The following DOP1A variants were observed in gnomAD, a reference collection of about 807,000 sequenced individuals.
DOP1A encodes DOP1 leucine zipper like protein A, also known as protein DOP1A.
In DOP1A, 90 loss-of-function variants were observed where a neutral mutation model predicts 267.6. The observed-to-expected ratio is 0.34, with a 90% CI of 0.28 to 0.40. DOP1A has a LOEUF of 0.40. DOP1A is among the 10% of genes least tolerant of loss of function. The pLI, the probability that DOP1A is intolerant of heterozygous loss-of-function variation, is 1.00. For synonymous variants in DOP1A, 932 were observed against 999.1 expected, an observed-to-expected ratio of 0.93 and a Z score of 1.27; for missense variants, 2,437 against 2,900.4, an observed-to-expected ratio of 0.84 and a Z score of 3.67.
chr6:83,151,778 A>G (rs1781731262), intron 28 of DOP1A, 105 bp from the exon 29 acceptor site: 2 of 1,437,658 alleles, frequency 1.4e-6, no homozygotes, highest in Middle Eastern at 1.8e-4. Context: ...ATGGGAATCA[A>G]CAAGTCTATT....
chr6:83,130,361 T>G lies in DOP1A; in HGVS notation c.2580T>G (p.Asn860Lys). Reference sequence around the variant, plus strand: ...TTAGACCTCCCCTCACTCAGGGCAATCTGAGGTACATAGCTGAGAAGACTG... The same window carrying G: ...TTAGACCTCCCCTCACTCAGGGCAAGCTGAGGTACATAGCTGAGAAGACTG... ...VVIRPPLTQG[N>K]LRYIAEKTEF... The change falls in exon 17 of 39, where the codon AAT becomes AAG. Residue 860 changes from asparagine (N) to lysine (K), a missense_variant. By Grantham distance (94) the Asn-to-Lys change is moderately conservative. Coordinates refer to ENST00000349129, the MANE Select transcript of DOP1A (RefSeq NM_015018.4). The G allele has an allele frequency of 1.2e-6, 2 of 1,614,006 alleles. No homozygotes were observed. The highest frequency in any genetic ancestry group is 1.7e-6 in the Non-Finnish European group (2 of 1,179,930).
chr6:83,077,928 A>G (rs1050577400), intron 1 of DOP1A, among the ~76,000 whole-genome samples: 2 of 152,234 alleles, frequency 1.3e-5, no homozygotes, highest in Non-Finnish European at 2.9e-5. Context: ...TTCTTGGGCC[A>G]CATTCAAAAC....
intron 4 of DOP1A, among the ~76,000 whole-genome samples, chr6:83,104,945 C>T (rs1259835027): frequency 6.6e-6 from 1 of 152,000 alleles, no homozygotes. Context: ...TTTACTCTCT[C>T]ATTTTTGCTC....
Position 83,122,862 on chromosome 6 carries a change from G to T in DOP1A, c.1221-1G>T. On this transcript the variant is annotated splice_acceptor_variant, in intron 11 of 38. Transcript: ENST00000349129. LOFTEE classifies it high-confidence loss of function. ...TTTTGTTTTCTTTTCTCTTTTTTCA[G>T]TAAATTAAGAGAAAATAAGAAAACA... 6.9e-7 allele frequency: 1 copy of T among 1,457,968 alleles called. No individual in the cohort carries two copies. Among genetic ancestry groups the T allele is most frequent in the Non-Finnish European group, 9.1e-7 (1 of 1,102,080 alleles). The allele number at this position is 1,457,968 out of a possible 1,614,324, so 90.3% of individuals were successfully genotyped here. A position where few individuals can be genotyped will look rare whatever the true frequency, so the allele number is the denominator to read the frequency against.
intron 8 of DOP1A, 141 bp downstream of exon 8, chr6:83,119,128 G>C: frequency 1.5e-6 from 1 of 662,388 alleles, no homozygotes; most frequent in Non-Finnish European, 2.6e-6. Flanking sequence ...AATATAAACA[G>C]TATTAGTTGT....
chr6:83,124,845 T>C (rs763971710), intron 13 of DOP1A, 26 bp downstream of exon 13: 2 of 1,537,272 alleles, frequency 1.3e-6, no homozygotes, highest in Non-Finnish European at 1.8e-6. Context: ...TAAGAAAATA[T>C]CAAGGAAATC....
At chr6:83,169,102 C>A (rs1376168397), downstream of DOP1A, 3 of 1,454,158 alleles carry the variant, frequency 2.1e-6, no homozygotes, top group Non-Finnish European at 9.0e-7. Context: ...TTAAGAAAAA[C>A]AGATCTAGAG....
chr6:83,106,969 A>G (rs1198642705), intron 4 of DOP1A, among the ~76,000 whole-genome samples: 1 of 152,182 alleles, frequency 6.6e-6, no homozygotes, highest in Non-Finnish European at 1.5e-5. Flanking sequence ...GGATCTGGCA[A>G]TTGGTGGACA....
chr6:83,095,809 A>G (rs1771375324), intron 1 of DOP1A, among the ~76,000 whole-genome samples: 1 of 152,088 alleles, frequency 6.6e-6, no homozygotes, highest in Non-Finnish European at 1.5e-5. Context: ...AGGATGGAGG[A>G]TCTGCTTCTA....
chr6:83,162,363 A>G (rs1374896729), intron 37 of DOP1A, among the ~76,000 whole-genome samples: 1 of 152,190 alleles, frequency 6.6e-6, no homozygotes, highest in Non-Finnish European at 1.5e-5. Flanking sequence ...CTATGCAACT[A>G]GGGAACATTT....
rs1206276741 is a variant in DOP1A at position 83,068,002 on chromosome 6, T to TGGGGCC, written c.-147+230_-147+235dup. Among the ~76,000 whole-genome samples, 15 of 151,966 alleles carry TGGGGCC rather than the reference T, an allele frequency of 9.9e-5. 1 individual carries two copies. The highest frequency in any genetic ancestry group is 3.1e-4 in the African/African-American group (13 of 41,380). On this transcript the variant is annotated intron_variant, in intron 1 of 38. Coordinates refer to ENST00000349129, the MANE Select transcript of DOP1A (RefSeq NM_015018.4). ...TGCGCGGGGACTGGAGGGCCAGGGC[T>TGGGGCC]GGGGCCGGGGCCTGGGCCGGGCAGA...
At chr6:83,140,828 CAT>C (rs1779517211) in intron 23 of DOP1A, among the ~76,000 whole-genome samples, 1 of 151,760 alleles carries the variant, frequency 6.6e-6, no homozygotes, top group African/African-American at 2.4e-5. Flanking sequence ...TTTCACGTGA[CAT>C]ATTTTTAAGG....
chr6:83,120,876 T>C, intron 10 of DOP1A, 85 bp downstream of exon 10: 1 of 1,085,030 alleles, frequency 9.2e-7, no homozygotes, highest in Non-Finnish European at 1.3e-6. Context: ...AGGGAAATTG[T>C]TATATTTTGA....
At chr6:83,116,380 A>T (rs562301110) in intron 7 of DOP1A, among the ~76,000 whole-genome samples, 1 of 152,306 alleles carries the variant, frequency 6.6e-6, no homozygotes, top group South Asian at 2.1e-4. Context: ...GATTTTCCAA[A>T]TGTTTTCACA....
Position 83,109,004 on chromosome 6 carries a change from A to G in DOP1A, c.415A>G (p.Thr139Ala). ...GATATATTATCTGCCTTTGGGTAAA[A>G]CACTGAAACCTGGTCTACAGGGATT... ...YEIYYLPLGK[T>A]LKPGLQGLLT... Residue 139 changes from threonine to alanine, a missense_variant, in exon 5 of 39, where the codon ACA (threonine) becomes GCA (alanine). Transcript: ENST00000349129. 1 of 1,613,778 alleles carries G rather than the reference A, an allele frequency of 6.2e-7. No homozygotes were observed. The highest frequency in any genetic ancestry group is 1.3e-5 in the African/African-American group (1 of 75,024).
At position 83,137,954 on chromosome 6, in the gene DOP1A, A is replaced by C. The variant is rs778456387; in HGVS notation, c.3912A>C (p.Arg1304Ser). ...CAAAACCTAAAGTAAAACTTGCCAGAAAAAAGGATGATGACAAGAAAAAAT... is the reference window on the plus strand; with the variant it reads ...CAAAACCTAAAGTAAAACTTGCCAGCAAAAAGGATGATGACAAGAAAAAAT... ...PGAKPKVKLA[R>S]KKDDDKKKSS... Residue 1304 changes from arginine (R) to serine (S), a missense_variant, in exon 21 of 39, where the codon AGA becomes AGC. Physicochemically the swap from Arg to Ser is moderately radical, Grantham distance 110. Transcript: ENST00000349129. The C allele has an allele frequency of 5.6e-6, 9 of 1,604,824 alleles. No homozygotes were observed. The highest frequency in any genetic ancestry group is 6.8e-6 in the Non-Finnish European group (8 of 1,177,388).
Position 83,128,925 on chromosome 6 carries a change from T to G in DOP1A, c.1758T>G (p.Phe586Leu). Residue 586 changes from phenylalanine to leucine, a missense_variant, in exon 16 of 39, where the codon TTT (phenylalanine) becomes TTG (leucine). By Grantham distance (22) the Phe-to-Leu change is conservative. Transcript: ENST00000349129. ...SVSHENPTEVFEDGENPPSSR... is the reference protein window; with the variant it reads ...SVSHENPTEVLEDGENPPSSR... ...CTCATGAAAATCCTACTGAAGTGTT[T>G]GAAGATGGAGAAAATCCACCAAGTA... 1 of 1,551,282 alleles carries G rather than the reference T, an allele frequency of 6.4e-7. No individual in the cohort carries two copies.
intron 1 of DOP1A, among the ~76,000 whole-genome samples, chr6:83,075,330 C>A (rs145629281): frequency 2.6e-5 from 4 of 152,180 alleles, no homozygotes; most frequent in East Asian, 1.9e-4. Flanking sequence ...TCTGTTATAG[C>A]GATTACCACC....
chr6:83,117,247 T>A (rs1037390186), intron 7 of DOP1A, among the ~76,000 whole-genome samples: 19 of 151,832 alleles, frequency 1.3e-4, no homozygotes, highest in African/African-American at 4.4e-4. Flanking sequence ...GCCTCCAGGG[T>A]TCGAGTGATT....
Sources: allele counts gnomAD v4.1 joint callset (sites outside exome capture counted in the v4.1 genomes callset), GRCh38; gene constraint gnomAD v4.1.1; transcripts MANE v1.5; gene names NCBI Gene and HGNC (gene_info 2026-07-23, HGNC 2026-07-21).